Variants in CCDC110 observed in about 807,000 individuals in gnomAD.
The protein encoded by CCDC110 is coiled-coil domain containing 110.
In CCDC110, 70 loss-of-function variants were observed where a neutral mutation model predicts 77.1. The ratio of observed to expected loss-of-function variants is 0.91; its 90% CI spans 0.75 to 1.11. The LOEUF is 1.11. CCDC110 is among the 50% of genes least tolerant of loss of function. The pLI is 0.00. For synonymous variants in CCDC110, 295 were observed against 312.5 expected (o/e 0.94, Z 0.59); for missense variants, 868 against 942.9 (o/e 0.92, Z 1.04).
intron 6 of CCDC110, chr4:185,457,459 A>G (rs971296257): frequency 2.5e-5 from 9 of 355,968 alleles, no homozygotes; most frequent in South Asian, 1.6e-4. Flanking sequence ...TGGACAACCA[A>G]TGCAAACATG....
At chr4:185,464,861 T>G (rs1369936124) in intron 2 of CCDC110, among the ~76,000 whole-genome samples, 1 of 152,192 alleles carries the variant, frequency 6.6e-6, no homozygotes, top group Non-Finnish European at 1.5e-5. Flanking sequence ...ACATGAGAGA[T>G]ATTATTTCCT....
At chr4:185,469,315 G>T (rs1024583714) in intron 2 of CCDC110, among the ~76,000 whole-genome samples, 1 of 152,152 alleles carries the variant, frequency 6.6e-6, no homozygotes, top group African/African-American at 2.4e-5. Flanking sequence ...AAGATAACTG[G>T]TGTTTATTAA....
intron 2 of CCDC110, among the ~76,000 whole-genome samples, chr4:185,465,810 C>G (rs1428319229): frequency 6.6e-6 from 1 of 152,108 alleles, no homozygotes; most frequent in Non-Finnish European, 1.5e-5. Flanking sequence ...TCAGAATATA[C>G]TTTGGAGATG....
chr4:185,451,018 A>C lies in CCDC110; in HGVS notation c.2462-5476T>G, dbSNP rs1289946711. ...TTGTGGGAGGGACCTGGTAGGAGTT[A>C]ATTCAATCATGGAGGCAGCTTCCCC... is the stretch of plus-strand genomic sequence containing the variant. On this transcript the variant is annotated intron_variant, in intron 6 of 6. Transcript: ENST00000307588. Among the ~76,000 whole-genome samples, 19 of 152,196 alleles carry C rather than the reference A, an allele frequency of 1.2e-4. 1 individual carries two copies. In the South Asian group the frequency reaches 2.1e-3, roughly 17 times the overall value.
chr4:185,457,998 G>A (rs1250825246), intron 6 of CCDC110, 128 bp downstream of exon 6: 1 of 669,386 alleles, frequency 1.5e-6, no homozygotes, highest in Non-Finnish European at 2.3e-6. Context: ...ATAATAAATT[G>A]GATACAAATT....
At position 185,449,522 on chromosome 4, in the gene CCDC110, T is replaced by TC. The variant is rs1554031386; in HGVS notation, c.2462-3981_2462-3980insG. 21 of 827,370 alleles carry TC rather than the reference T, an allele frequency of 2.5e-5. No homozygotes were observed. The Middle Eastern group carries it at 7.5e-4, about 30-fold the overall frequency. 51.3% of individuals were successfully genotyped at this position (827,370 alleles called of 1,614,324 possible). ...TGGGCAACAGAGCGAGACCCGGTCT[T>TC]AAAAAAAAAAAAGAATGTACAGGTA... On this transcript the variant is annotated intron_variant, in intron 6 of 6. Transcript: ENST00000307588.
chr4:185,458,151 A>C lies in CCDC110; in HGVS notation c.2436T>G (p.Ser812Arg). The C allele has an allele frequency of 6.3e-7, 1 of 1,578,164 alleles. No homozygotes were observed. The highest frequency in any genetic ancestry group is 8.6e-7 in the Non-Finnish European group (1 of 1,169,148). The change falls in exon 6 of 7, where the codon AGT becomes AGG. Residue 812 changes from serine to arginine, a missense_variant. Physicochemically the swap from Ser to Arg is moderately radical, Grantham distance 110 (BLOSUM62 -1). Transcript: ENST00000307588. ...CTTTCAAATCCGAAGCCAAAGGCCT[A>C]CTCTGAGGACTAGAAGTATCTTCGT... ...YTHEDTSSPQ[S>R]RPLASDLKGY...
At chr4:185,458,091 AAC>A in intron 6 of CCDC110, 33 bp downstream of exon 6, 1 of 1,397,048 alleles carries the variant, frequency 7.2e-7, no homozygotes, top group Non-Finnish European at 9.6e-7. Flanking sequence ...AAGAATCTTA[AAC>A]ACATCTCTAC....
intron 2 of CCDC110, among the ~76,000 whole-genome samples, chr4:185,466,436 T>G (rs747186034): frequency 6.6e-6 from 1 of 152,062 alleles, no homozygotes; most frequent in Non-Finnish European, 1.5e-5. Context: ...AGGACATGCA[T>G]AGAAGCCCGA....
At chr4:185,453,566 G>A (rs1217421469) in intron 6 of CCDC110, among the ~76,000 whole-genome samples, 2 of 123,736 alleles carry the variant, frequency 1.6e-5, no homozygotes, top group African/African-American at 3.1e-5. Flanking sequence ...TTTTTTTCCC[G>A]AGACAGGGTC....
chr4:185,467,712 A>G (rs920037925), intron 2 of CCDC110, among the ~76,000 whole-genome samples: 5 of 152,238 alleles, frequency 3.3e-5, no homozygotes, highest in Admixed American at 3.3e-4. Flanking sequence ...CAATGTATAC[A>G]AAAAGTACCA....
intron 4 of CCDC110, 122 bp from the exon 5 acceptor site, chr4:185,461,281 A>G (rs2095645993): frequency 3.8e-6 from 2 of 523,972 alleles, no homozygotes; most frequent in African/African-American, 3.9e-5. Context: ...AGTCTTTCCC[A>G]TCTTATAGAA....
At position 185,458,424 on chromosome 4, in the gene CCDC110, T is replaced by A; in HGVS notation, c.2163A>T (p.Glu721Asp). The A allele has an allele frequency of 1.9e-6, 3 of 1,598,160 alleles. No homozygotes were observed. Among genetic ancestry groups the A allele is most frequent in the Non-Finnish European group, 2.6e-6 (3 of 1,173,726 alleles). ...TKTDNQILKE[E>D]LKKHSQENIK... is the part of the protein sequence containing the mutation. ...TATTTTCTTGACTATGTTTCTTTAGTTCTTCTTTTAGAATCTGATTATCTG... is the reference window on the plus strand; with the variant it reads ...TATTTTCTTGACTATGTTTCTTTAGATCTTCTTTTAGAATCTGATTATCTG... The change falls in exon 6 of 7, where the codon GAA becomes GAT. Residue 721 changes from glutamate (E) to aspartate (D), a missense_variant. By Grantham distance (45) the Glu-to-Asp change is conservative (BLOSUM62 2). Coordinates refer to ENST00000307588, the MANE Select transcript of CCDC110 (RefSeq NM_152775.4).
chr4:185,446,210 A>C (rs1167303490), intron 6 of CCDC110, among the ~76,000 whole-genome samples: 2 of 152,232 alleles, frequency 1.3e-5, no homozygotes, highest in African/African-American at 2.4e-5. Flanking sequence ...AGAACTAATC[A>C]GCTAAAGACA....
chr4:185,458,465 C>A lies in CCDC110; in HGVS notation c.2122G>T (p.Val708Leu). The A allele has an allele frequency of 1.9e-6, 3 of 1,600,490 alleles. No homozygotes were observed. Among genetic ancestry groups the A allele is most frequent in the Non-Finnish European group, 2.6e-6 (3 of 1,175,930 alleles). Residue 708 changes from valine to leucine, a missense_variant, in exon 6 of 7, where the codon GTA becomes TTA. Coordinates refer to ENST00000307588, the MANE Select transcript of CCDC110 (RefSeq NM_152775.4). ...TGATTATCTGTTTTGGTTTCCATTA[C>A]CATTTTTGATAACATTTCACATTCC... ...GKECEMLSKM[V>L]METKTDNQIL...
intron 6 of CCDC110, among the ~76,000 whole-genome samples, chr4:185,448,122 G>A (rs1028513910): frequency 2.6e-5 from 4 of 152,084 alleles, no homozygotes; most frequent in Non-Finnish European, 5.9e-5. Context: ...CCAGGTTCAA[G>A]CAACTCTCCT....
Position 185,458,811 on chromosome 4 carries a change from T to G in CCDC110, c.1776A>C (p.Thr592=). 1 of 1,608,766 alleles carries G rather than the reference T, an allele frequency of 6.2e-7. No homozygotes were observed. The highest frequency in any genetic ancestry group is 8.5e-7 in the Non-Finnish European group (1 of 1,178,864). The part of the protein sequence containing the change: ...QDEKEMLEKK[T]HQLLKEKSSL... ...AGCTTTTTTCTTTTAGAAGCTGGTGTGTTTTTTTCTCTAACATTTCTTTTT... is the reference window on the plus strand; with the variant it reads ...AGCTTTTTTCTTTTAGAAGCTGGTGGGTTTTTTTCTCTAACATTTCTTTTT... The change falls in exon 6 of 7, where the codon ACA becomes ACC. Residue 592 remains threonine (T), a synonymous_variant. Coordinates refer to ENST00000307588, the MANE Select transcript of CCDC110 (RefSeq NM_152775.4).
intron 6 of CCDC110, chr4:185,452,164 AAC>A (rs2095630115): frequency 1.4e-5 from 14 of 979,516 alleles, no homozygotes; most frequent in Non-Finnish European, 1.6e-5. Context: ...AACAATACAA[AAC>A]AGTTTTATTC....
At chr4:185,465,530 G>A (rs934104656) in intron 2 of CCDC110, among the ~76,000 whole-genome samples, 18 of 152,164 alleles carry the variant, frequency 1.2e-4, no homozygotes, top group Non-Finnish European at 1.9e-4. Context: ...AGGACACGTC[G>A]GAGCAGGAGA....
Sources: allele counts gnomAD v4.1 joint callset (sites outside exome capture counted in the v4.1 genomes callset), GRCh38; gene constraint gnomAD v4.1.1; transcripts MANE v1.5; gene names NCBI Gene and HGNC (gene_info 2026-07-23, HGNC 2026-07-21).